The following PHC2 variants were observed in gnomAD, a reference collection of about 807,000 sequenced individuals.
The protein encoded by PHC2 is polyhomeotic-like protein 2.
A neutral mutation model predicts 87.4 loss-of-function variants in PHC2; 29 were observed. The ratio of observed to expected loss-of-function variants is 0.33; its 90% CI spans 0.25 to 0.45. The LOEUF is 0.45. PHC2 is among the 20% of genes least tolerant of loss of function. The probability of loss-of-function intolerance (pLI) is 1.00; values close to 1 mark genes in which losing one functional copy is unlikely to be tolerated. For synonymous variants in PHC2, 438 were observed against 461.7 expected (o/e 0.95, Z 0.66); for missense variants, 857 against 1,136.7 (o/e 0.75, Z 3.54).
chr1:33,346,993 G>GT (rs760085874), intron 9 of PHC2: 18 of 985,352 alleles, frequency 1.8e-5, no homozygotes, highest in Non-Finnish European at 2.0e-5. Flanking sequence ...GTTCAATTGT[G>GT]TAAGATCATC....
chr1:33,402,315 G>A (rs1649569895), intron 1 of PHC2, among the ~76,000 whole-genome samples: 1 of 152,156 alleles, frequency 6.6e-6, no homozygotes, highest in Non-Finnish European at 1.5e-5. Context: ...CAGAGCAATG[G>A]TTATGTTCAC....
rs1570470347 is a variant in PHC2 at position 33,349,492 on chromosome 1, C to T, written c.1558+4909G>A. On this transcript the variant is annotated intron_variant, in intron 9 of 14. Coordinates refer to ENST00000683057, the MANE Select transcript of PHC2 (RefSeq NM_001385109.1). This position sits in a 1 kb window ranked among gnomAD's most constrained non-coding sequence, Gnocchi z 4.2. ...TGGCACGGCCTGGCAGCCGCGTAGG[C>T]CCGGGCCGTTAGGGGCACCGAGGGC... The T allele has an allele frequency of 9.1e-6, 9 of 985,242 alleles. No homozygotes were observed. The highest frequency in any genetic ancestry group is 1.1e-5 in the Non-Finnish European group (9 of 829,870). 61.0% of individuals were successfully genotyped at this position (985,242 alleles called of 1,614,324 possible). A position where few individuals can be genotyped will look rare whatever the true frequency, so the allele number is the denominator to read the frequency against.
At chr1:33,376,322 G>A (rs922888761) in intron 1 of PHC2, among the ~76,000 whole-genome samples, 5 of 152,066 alleles carry the variant, frequency 3.3e-5, no homozygotes, top group African/African-American at 7.2e-5. Flanking sequence ...GGCATGAGCC[G>A]CCATGCCCGA....
At chr1:33,344,147 T>C (rs1001134080) in intron 9 of PHC2, among the ~76,000 whole-genome samples, 7 of 152,230 alleles carry the variant, frequency 4.6e-5, no homozygotes, top group East Asian at 1.9e-4. Flanking sequence ...ATTTAGCTTA[T>C]GAAAAGAAAT....
chr1:33,430,936 G>T (rs1052978042), intron 1 of PHC2, 40 bp downstream of exon 1: 1 of 151,244 alleles, frequency 6.6e-6, no homozygotes, highest in Non-Finnish European at 1.5e-5. Context: ...CTGCCCGTCA[G>T]CCGCGAGCTG....
rs1431514961 is a variant in PHC2 at position 33,354,521 on chromosome 1, C to T, written c.1438G>A (p.Glu480Lys). 3.1e-6 allele frequency: 5 copies of T among 1,614,002 alleles called. No homozygotes were observed. The highest frequency in any genetic ancestry group is 2.2e-5 in the South Asian group (2 of 91,074). ...GACCGCGTCTCAGGCACACTTTTCT[C>T]CCCTGGTGCCACTTCTTTCCAGTCA... ...PDDWKEVAPG[E>K]KSVPETRSGP... is the part of the protein sequence containing the mutation. Residue 480 changes from glutamate (E) to lysine (K), a missense_variant, in exon 9 of 15, where the codon GAG becomes AAG. Around this residue, in one of 3 missense-constraint regions of PHC2, gnomAD observed 832 missense variants for 1,081.8 expected, o/e 0.77. Coordinates refer to ENST00000683057, the MANE Select transcript of PHC2 (RefSeq NM_001385109.1).
At chr1:33,325,409 A>G in intron 14 of PHC2, 1 of 193,994 alleles carries the variant, frequency 5.2e-6, no homozygotes, top group Non-Finnish European at 1.1e-5. Context: ...AAGCCACCCC[A>G]GCAACCCTTT....
At chr1:33,363,082 AAAT>A (rs1647242632) in intron 7 of PHC2, 1 of 91,310 alleles carries the variant, frequency 1.1e-5, no homozygotes, top group Non-Finnish European at 2.1e-5. Flanking sequence ...GCAACCAGGG[AAAT>A]AGTCTAACAG....
chr1:33,347,483 G>C (rs1646865766), intron 9 of PHC2: 1 of 985,320 alleles, frequency 1.0e-6, no homozygotes, highest in Non-Finnish European at 1.2e-6. Context: ...GGGAGAGAGT[G>C]GAAAGGGCCA....
chr1:33,356,776 A>G (rs1570479666), intron 7 of PHC2, among the ~76,000 whole-genome samples: 1 of 152,088 alleles, frequency 6.6e-6, no homozygotes, highest in African/African-American at 2.4e-5. Context: ...CGCCATCGTC[A>G]TCATGGCCCG....
chr1:33,372,453 AAGGG>A lies in PHC2; in HGVS notation c.175-10_175-7del, dbSNP rs774378638. On this transcript the variant is annotated splice_polypyrimidine_tract_variant and splice_region_variant and intron_variant, in intron 2 of 14. Transcript: ENST00000683057. The stretch of plus-strand genomic sequence containing the variant: ...TGCAGGGCCTGCTGGATCACCTGAG[AAGGG>A]AGGGAGGGGGAAGAGCCAGGCTGGT... The A allele has an allele frequency of 1.3e-5, 20 of 1,535,366 alleles. No homozygotes were observed. The East Asian group carries it at 4.3e-4, about 33-fold the overall frequency.
chr1:33,332,089 A>G lies in PHC2; in HGVS notation c.1891+186T>C, dbSNP rs775939052. On this transcript the variant is annotated intron_variant, in intron 11 of 14. Coordinates refer to ENST00000683057, the MANE Select transcript of PHC2 (RefSeq NM_001385109.1). This position sits in a 1 kb window ranked among gnomAD's most constrained non-coding sequence, Gnocchi z 4.2. Reference sequence around the variant, plus strand: ...TGGAGGGGGATTGGGGGAGCAGAGGACACATGGTTCCCGTGATTTCCCCTA... The same window carrying G: ...TGGAGGGGGATTGGGGGAGCAGAGGGCACATGGTTCCCGTGATTTCCCCTA... Among the ~76,000 whole-genome samples the G allele has an allele frequency of 3.9e-5, 6 of 152,192 alleles. No homozygotes were observed. The highest frequency in any genetic ancestry group is 5.9e-5 in the Non-Finnish European group (4 of 68,024).
intron 9 of PHC2, 75 bp downstream of exon 9, chr1:33,354,326 C>T: frequency 7.2e-7 from 1 of 1,394,830 alleles, no homozygotes; most frequent in South Asian, 1.3e-5. Flanking sequence ...TCCAGATGCC[C>T]AAGTGAAATG....
chr1:33,360,976 C>A (rs369808869), intron 7 of PHC2, among the ~76,000 whole-genome samples: 2 of 152,170 alleles, frequency 1.3e-5, no homozygotes, highest in Admixed American at 6.6e-5. Flanking sequence ...GAGCGAGTAC[C>A]GCAAGCCTAG....
chr1:33,379,185 C>T (rs77782749), intron 1 of PHC2, among the ~76,000 whole-genome samples: 6,459 of 151,720 alleles, frequency 0.043, 178 homozygotes, highest in Non-Finnish European at 0.061. Context: ...AACCTGGGCA[C>T]GTGGGCACAG....
chr1:33,386,836 A>G (rs2148354986), intron 1 of PHC2, among the ~76,000 whole-genome samples: 1 of 152,240 alleles, frequency 6.6e-6, no homozygotes, highest in South Asian at 2.1e-4. Context: ...CAAAGCACAC[A>G]CACAGCACAT....
At chr1:33,423,020 C>T (rs939226353) in intron 1 of PHC2, among the ~76,000 whole-genome samples, 36 of 151,948 alleles carry the variant, frequency 2.4e-4, no homozygotes, top group Admixed American at 2.4e-3. Flanking sequence ...CCCCACTATA[C>T]CCAAGAAGAC....
Position 33,349,269 on chromosome 1 carries a change from CGTCCCAGGGAA to C in PHC2, c.1558+5121_1558+5131del. The C allele has an allele frequency of 1.0e-6, 1 of 985,216 alleles. No individual in the cohort carries two copies. The highest frequency in any genetic ancestry group is 1.2e-6 in the Non-Finnish European group (1 of 829,864). The allele number at this position is 985,216 out of a possible 1,614,324, so 61.0% of individuals were successfully genotyped here. A position where few individuals can be genotyped will look rare whatever the true frequency, so the allele number is the denominator to read the frequency against. Reference sequence around the variant, plus strand: ...CAGTCTCGTCCCCGAACGCACCGTCCGTCCCAGGGAAGTCGCAGCGGCGGGGAGGCCGGTCC... The same window carrying C: ...CAGTCTCGTCCCCGAACGCACCGTCCGTCGCAGCGGCGGGGAGGCCGGTCC... On this transcript the variant is annotated intron_variant, in intron 9 of 14. Transcript: ENST00000683057. This position sits in a 1 kb window ranked among gnomAD's most constrained non-coding sequence, Gnocchi z 4.2.
In PHC2 at chr1:33,343,629, C is replaced by A. The variant is rs923521419; in HGVS notation, c.1559-9337G>T. Among the ~76,000 whole-genome samples, 10 of 152,186 alleles carry A rather than the reference C, an allele frequency of 6.6e-5. No homozygotes were observed. In the South Asian group the frequency reaches 8.3e-4, roughly 13 times the overall value. The stretch of plus-strand genomic sequence containing the variant: ...TAAATAATGTAATGCAGGCACAACA[C>A]ACTGGACTAGGCTGAGCTTGGACAC... On this transcript the variant is annotated intron_variant, in intron 9 of 14. Coordinates refer to ENST00000683057, the MANE Select transcript of PHC2 (RefSeq NM_001385109.1).
Sources: allele counts gnomAD v4.1 joint callset (sites outside exome capture counted in the v4.1 genomes callset), GRCh38; gene constraint gnomAD v4.1.1; regional missense constraint gnomAD v4.1.1; non-coding constraint Gnocchi (gnomAD v3.1); transcripts MANE v1.5; gene names NCBI Gene and HGNC (gene_info 2026-07-23, HGNC 2026-07-21).